Variants in HIVEP2 observed in about 807,000 individuals in gnomAD.
The protein encoded by HIVEP2 is transcription factor HIVEP2.
In HIVEP2, 14 loss-of-function variants were observed where a neutral mutation model predicts 180.7. That is an observed-to-expected ratio of 0.08 (90% CI 0.05 to 0.12). HIVEP2 has a LOEUF of 0.12. Ranked by LOEUF, HIVEP2 falls within the 10% of genes least tolerant of loss-of-function variation. HIVEP2 has a pLI of 1.00. For missense variants in HIVEP2, 2,579 were observed against 3,008.5 expected, an observed-to-expected ratio of 0.86 and a Z score of 3.34; for synonymous variants, 1,184 against 1,136.4, an observed-to-expected ratio of 1.04 and a Z score of -0.84.
intron 1 of HIVEP2, among the ~76,000 whole-genome samples, chr6:142,852,549 G>A (rs1372660442): frequency 1.3e-5 from 2 of 152,152 alleles, no homozygotes; most frequent in Non-Finnish European, 2.9e-5. Context: ...AAACTTGGGA[G>A]CTAAGTATCC....
At chr6:142,920,978 G>A (rs1777670232) in intron 1 of HIVEP2, among the ~76,000 whole-genome samples, 1 of 152,060 alleles carries the variant, frequency 6.6e-6, no homozygotes, top group Admixed American at 6.5e-5. Flanking sequence ...GGGAGATCCT[G>A]TCTCAATATA....
In HIVEP2 at chr6:142,864,507, T is replaced by A. The variant is rs117893313; in HGVS notation, c.-640-27460A>T. On this transcript the variant is annotated intron_variant, in intron 1 of 9. Transcript: ENST00000367603. The stretch of plus-strand genomic sequence containing the variant: ...TTGTGACTTAGCGAAAAATAATAAA[T>A]ATTAATATGAAAACTGTTTATACGT... 6.1e-3 allele frequency among the ~76,000 whole-genome samples: 930 copies of A among 152,230 alleles called. 5 individuals are homozygous for A. Among genetic ancestry groups the A allele is most frequent in the South Asian group, 0.033 (157 of 4,822 alleles).
chr6:142,782,739 TA>T (rs1389384571), intron 3 of HIVEP2, among the ~76,000 whole-genome samples: 1 of 152,222 alleles, frequency 6.6e-6, no homozygotes, highest in East Asian at 1.9e-4. Context: ...ATTTAAAGCC[TA>T]ATGAGAAACA....
chr6:142,892,800 C>T lies in HIVEP2; in HGVS notation c.-641+52299G>A, dbSNP rs7740733. Among the ~76,000 whole-genome samples, 656 of 152,264 alleles carry T rather than the reference C, an allele frequency of 4.3e-3. 3 individuals are homozygous for T. Among genetic ancestry groups the T allele is most frequent in the African/African-American group, 0.015 (619 of 41,540 alleles). On this transcript the variant is annotated intron_variant, in intron 1 of 9. Coordinates refer to ENST00000367603, the MANE Select transcript of HIVEP2 (RefSeq NM_006734.4). ...CTCTGTCCTTAGTGCAAGCCTCCTA[C>T]GTAAGGGAATGGGGAGTCAAGATTA...
At chr6:142,805,013 T>C (rs1776512135) in intron 2 of HIVEP2, among the ~76,000 whole-genome samples, 1 of 152,216 alleles carries the variant, frequency 6.6e-6, no homozygotes, top group South Asian at 2.1e-4. Context: ...AAAAAACACA[T>C]AATCAACAAG....
rs972141394 is a variant in HIVEP2 at position 142,920,993 on chromosome 6, T to C, written c.-641+24106A>G. Reference sequence around the variant, plus strand: ...GGGAGATCCTGTCTCAATATACATATATAAATCCATCTCTTTTCCCCAATT... The same window carrying C: ...GGGAGATCCTGTCTCAATATACATACATAAATCCATCTCTTTTCCCCAATT... On this transcript the variant is annotated intron_variant, in intron 1 of 9. Transcript: ENST00000367603. 2.6e-5 allele frequency among the ~76,000 whole-genome samples: 4 copies of C among 152,048 alleles called. No homozygotes were observed. In the South Asian group the frequency reaches 6.2e-4, roughly 24 times the overall value.
chr6:142,942,299 A>G, intron 1 of HIVEP2, among the ~76,000 whole-genome samples: 1 of 3,158 alleles, frequency 3.2e-4, no homozygotes, highest in African/African-American at 4.8e-4. Context: ...CCTGCTTTGA[A>G]AAAAAAAAAT....
intron 1 of HIVEP2, among the ~76,000 whole-genome samples, chr6:142,868,140 T>C (rs1433867948): frequency 6.6e-6 from 1 of 152,200 alleles, no homozygotes; most frequent in African/African-American, 2.4e-5. Context: ...ATAGTTATCC[T>C]ACCGGGCTAC....
intron 2 of HIVEP2, among the ~76,000 whole-genome samples, chr6:142,794,925 A>G (rs1317775794): frequency 6.6e-6 from 1 of 152,188 alleles, no homozygotes; most frequent in Non-Finnish European, 1.5e-5. Context: ...CCAATTTTAA[A>G]CAATGAATTA....
intron 1 of HIVEP2, among the ~76,000 whole-genome samples, chr6:142,882,641 G>A (rs147675328): frequency 6.6e-6 from 1 of 150,820 alleles, no homozygotes; most frequent in East Asian, 2.0e-4. Flanking sequence ...GGGAGGGGAG[G>A]GGAGGGAAAA....
chr6:142,933,843 G>A (rs1044353392), intron 1 of HIVEP2, among the ~76,000 whole-genome samples: 1 of 152,126 alleles, frequency 6.6e-6, no homozygotes, highest in Non-Finnish European at 1.5e-5. Flanking sequence ...GATTGAAGTT[G>A]GGCACCAAGT....
chr6:142,790,652 T>C (rs1346113263), intron 2 of HIVEP2, among the ~76,000 whole-genome samples: 2 of 152,230 alleles, frequency 1.3e-5, no homozygotes, highest in Non-Finnish European at 2.9e-5. Context: ...TTTTTACTCC[T>C]GGGTATGCCA....
intron 2 of HIVEP2, among the ~76,000 whole-genome samples, chr6:142,818,211 T>C (rs1017858646): frequency 6.6e-6 from 1 of 152,160 alleles, no homozygotes; most frequent in Non-Finnish European, 1.5e-5. Context: ...CAGCTTTGTA[T>C]GTTTTGTCCA....
At chr6:142,792,343 T>C (rs1203842995) in intron 2 of HIVEP2, among the ~76,000 whole-genome samples, 2 of 152,086 alleles carry the variant, frequency 1.3e-5, no homozygotes, top group African/African-American at 4.8e-5. Flanking sequence ...AGTAATAAGA[T>C]AATGGAATAA....
Position 142,829,657 on chromosome 6 carries a change from A to G in HIVEP2, c.-528+7278T>C, listed in dbSNP as rs568073791. On this transcript the variant is annotated intron_variant, in intron 2 of 9. Coordinates refer to ENST00000367603, the MANE Select transcript of HIVEP2 (RefSeq NM_006734.4). The stretch of plus-strand genomic sequence containing the variant: ...CCACAGCACCAAAACACTACATTGC[A>G]TATGGCAGAAATGCCATAAATATTC... Among the ~76,000 whole-genome samples, 56 of 152,366 alleles carry G rather than the reference A, an allele frequency of 3.7e-4. No individual in the cohort carries two copies. In the South Asian group the frequency reaches 0.011, roughly 30 times the overall value.
intron 2 of HIVEP2, among the ~76,000 whole-genome samples, chr6:142,828,810 C>T (rs1188409833): frequency 6.6e-6 from 1 of 152,180 alleles, no homozygotes; most frequent in Non-Finnish European, 1.5e-5. Context: ...ATACTGAGCA[C>T]AATGTCTTGC....
chr6:142,902,568 AG>A (rs1438243961), intron 1 of HIVEP2, among the ~76,000 whole-genome samples: 1 of 152,246 alleles, frequency 6.6e-6, no homozygotes, highest in Non-Finnish European at 1.5e-5. Context: ...TTGTTTAGAT[AG>A]GAATTTTTCT....
intron 3 of HIVEP2, among the ~76,000 whole-genome samples, chr6:142,779,932 G>A (rs3888723): frequency 0.054 from 8,211 of 152,090 alleles, 722 homozygotes; most frequent in African/African-American, 0.19. Flanking sequence ...TTCAAAACCA[G>A]ATACCTCATG....
At chr6:142,880,768 C>A (rs1776559260) in intron 1 of HIVEP2, among the ~76,000 whole-genome samples, 1 of 152,096 alleles carries the variant, frequency 6.6e-6, no homozygotes, top group African/African-American at 2.4e-5. Context: ...TCCTAGATTC[C>A]CTCCATCCAT....
Sources: allele counts gnomAD v4.1 joint callset (sites outside exome capture counted in the v4.1 genomes callset), GRCh38; gene constraint gnomAD v4.1.1; transcripts MANE v1.5; gene names NCBI Gene and HGNC (gene_info 2026-07-23, HGNC 2026-07-21).